Variants in CSGALNACT1 observed in about 807,000 individuals in gnomAD.
The protein encoded by CSGALNACT1 is chondroitin sulfate N-acetylgalactosaminyltransferase 1.
In CSGALNACT1, 52 loss-of-function variants were observed where a neutral mutation model predicts 51.0. The ratio of observed to expected loss-of-function variants is 1.02; its 90% CI spans 0.82 to 1.29. The LOEUF is 1.29. CSGALNACT1 is among the 50% of genes most tolerant of loss of function. The pLI is 0.00. For synonymous variants in CSGALNACT1, 341 were observed against 254.4 expected (o/e 1.34, Z -3.24); for missense variants, 935 against 679.2 (o/e 1.38, Z -4.19).
Position 19,714,293 on chromosome 8 carries a change from C to G in CSGALNACT1, c.-297+43557G>C, listed in dbSNP as rs554189340. On this transcript the variant is annotated intron_variant, in intron 1 of 1. Transcript: ENST00000517494. ...CTGGCTGAATTATAATTTTGTCTTT[C>G]TCTTTTGTTTACAACTGTTGGAGTA... Among the ~76,000 whole-genome samples, 27 of 151,934 alleles carry G rather than the reference C, an allele frequency of 1.8e-4. No individual in the cohort carries two copies. In the South Asian group the frequency reaches 5.4e-3, roughly 30 times the overall value.
intron 5 of CSGALNACT1, among the ~76,000 whole-genome samples, chr8:19,458,065 C>G (rs1022324584): frequency 6.6e-6 from 1 of 152,206 alleles, no homozygotes; most frequent in Admixed American, 6.5e-5. Flanking sequence ...CTCCTCTCTC[C>G]TCCTCAAGAC....
chr8:19,433,220 G>A (rs528549121), intron 6 of CSGALNACT1, among the ~76,000 whole-genome samples: 63 of 152,144 alleles, frequency 4.1e-4, no homozygotes, highest in African/African-American at 1.2e-3. Flanking sequence ...CTCTGATTTC[G>A]CTGAGGGATT....
At chr8:19,477,407 G>C (rs139206913) in intron 4 of CSGALNACT1, among the ~76,000 whole-genome samples, 1 of 152,150 alleles carries the variant, frequency 6.6e-6, no homozygotes, top group Non-Finnish European at 1.5e-5. Context: ...ATTCAGCCTA[G>C]AAAACTTTTC....
chr8:19,595,235 C>T (rs1479226461), intron 2 of CSGALNACT1, among the ~76,000 whole-genome samples: 1 of 152,160 alleles, frequency 6.6e-6, no homozygotes, highest in Non-Finnish European at 1.5e-5. Context: ...GCTAGAACCT[C>T]AAAGTAAAGG....
At chr8:19,413,351 C>G (rs1033990234) in intron 8 of CSGALNACT1, among the ~76,000 whole-genome samples, 3 of 152,144 alleles carry the variant, frequency 2.0e-5, no homozygotes, top group Non-Finnish European at 4.4e-5. Context: ...AGTTCTCACC[C>G]CTGCCACTTA....
intron 2 of CSGALNACT1, among the ~76,000 whole-genome samples, chr8:19,596,834 T>A (rs1445436348): frequency 6.6e-6 from 1 of 152,236 alleles, no homozygotes; most frequent in Non-Finnish European, 1.5e-5. Context: ...GTAAAATTCA[T>A]GTAATGAAAT....
At chr8:19,641,094 G>A (rs965588111) in intron 1 of CSGALNACT1, among the ~76,000 whole-genome samples, 3 of 149,914 alleles carry the variant, frequency 2.0e-5, no homozygotes, top group Admixed American at 6.7e-5. Context: ...CAGGGATGCG[G>A]AATCTACCTG....
chr8:19,675,450 G>A (rs1413136129), intron 1 of CSGALNACT1, among the ~76,000 whole-genome samples: 1 of 152,142 alleles, frequency 6.6e-6, no homozygotes, highest in Non-Finnish European at 1.5e-5. Flanking sequence ...TGGAACCACA[G>A]AGAGGAGAGA....
At position 19,441,075 on chromosome 8, in the gene CSGALNACT1, A is replaced by C. The variant is rs563845006; in HGVS notation, c.852-1144T>G. 2.0e-5 allele frequency among the ~76,000 whole-genome samples: 3 copies of C among 152,360 alleles called. 1 individual carries two copies. Among genetic ancestry groups the C allele is most frequent in the South Asian group, 4.1e-4 (2 of 4,830 alleles). ...TGCTCAATGAAATAAAAGAGGATAC[A>C]ACCAAATGGAAGAACATTCCATGCT... is the stretch of plus-strand genomic sequence containing the variant. On this transcript the variant is annotated intron_variant, in intron 5 of 9. Coordinates refer to ENST00000454498, the Ensembl canonical transcript of CSGALNACT1.
intron 1 of CSGALNACT1, among the ~76,000 whole-genome samples, chr8:19,705,618 T>A (rs887039450): frequency 5.9e-5 from 9 of 151,762 alleles, no homozygotes; most frequent in Non-Finnish European, 1.3e-4. Context: ...ATGCCCATAG[T>A]CCCAACTACT....
At chr8:19,435,527 A>G (rs1166994834) in intron 6 of CSGALNACT1, among the ~76,000 whole-genome samples, 2 of 152,026 alleles carry the variant, frequency 1.3e-5, no homozygotes, top group Non-Finnish European at 2.9e-5. Context: ...CATAGCTCCA[A>G]GCGAGTATCT....
chr8:19,545,606 T>C (rs2086277219), intron 3 of CSGALNACT1, among the ~76,000 whole-genome samples: 1 of 151,918 alleles, frequency 6.6e-6, no homozygotes, highest in Admixed American at 6.6e-5. Context: ...ATTCAATAAA[T>C]GTCTCTGGGT....
intron 3 of CSGALNACT1, among the ~76,000 whole-genome samples, chr8:19,509,621 C>CAAAAAAAAAAAAAAAAA (rs755422032): frequency 1.8e-5 from 1 of 56,962 alleles, no homozygotes; most frequent in Non-Finnish European, 3.2e-5. Context: ...GACTCTGTCT[C>CAAAAAAAAAAAAAAAAA]AAAAAAAAAA....
intron 4 of CSGALNACT1, among the ~76,000 whole-genome samples, chr8:19,474,594 G>A (rs1281932752): frequency 6.6e-6 from 1 of 152,108 alleles, no homozygotes; most frequent in Admixed American, 6.5e-5. Flanking sequence ...CCGGCCAGGT[G>A]TGGTGGCTCA....
intron 1 of CSGALNACT1, among the ~76,000 whole-genome samples, chr8:19,737,525 A>G (rs1352171531): frequency 2.6e-5 from 4 of 152,162 alleles, no homozygotes; most frequent in Non-Finnish European, 5.9e-5. Context: ...ACATACGGAA[A>G]AATTTCTAAG....
intron 5 of CSGALNACT1, among the ~76,000 whole-genome samples, chr8:19,456,623 G>A (rs935958079): frequency 2.0e-5 from 3 of 152,184 alleles, no homozygotes; most frequent in Non-Finnish European, 4.4e-5. Flanking sequence ...CTAAAAGAAG[G>A]TTGAAAGAAG....
chr8:19,747,598 G>A (rs2064760581), intron 1 of CSGALNACT1, among the ~76,000 whole-genome samples: 1 of 152,184 alleles, frequency 6.6e-6, no homozygotes, highest in African/African-American at 2.4e-5. Context: ...CCAACAAAGT[G>A]ACTATTTTCT....
At chr8:19,420,216 G>A in intron 7 of CSGALNACT1, 124 bp downstream of exon 6, 1 of 874,422 alleles carries the variant, frequency 1.1e-6, no homozygotes, top group Admixed American at 1.9e-5. Context: ...CCTTTTCTTT[G>A]CTATTGAAGT....
chr8:19,464,561 A>G (rs1186269327), intron 4 of CSGALNACT1, among the ~76,000 whole-genome samples: 1 of 152,134 alleles, frequency 6.6e-6, no homozygotes, highest in Admixed American at 6.5e-5. Flanking sequence ...ACGGAATGGT[A>G]CCAGTCCGTG....
Sources: allele counts gnomAD v4.1 joint callset (sites outside exome capture counted in the v4.1 genomes callset), GRCh38; gene constraint gnomAD v4.1.1; transcripts MANE v1.5; gene names NCBI Gene and HGNC (gene_info 2026-07-23, HGNC 2026-07-21).